AFAP1: variants seen among roughly 807,000 people sequenced by gnomAD.
The protein encoded by AFAP1 is actin filament associated protein 1, also known as actin filament-associated protein 1.
AFAP1 carries 75 observed loss-of-function variants against 93.9 expected under a neutral mutation model. That is an observed-to-expected ratio of 0.80 (90% CI 0.66 to 0.97). The LOEUF is 0.97. Ranked by LOEUF, AFAP1 falls within the 50% of genes least tolerant of loss-of-function variation. AFAP1 has a pLI of 0.00. For missense variants in AFAP1, 1,201 were observed against 1,050.8 expected (o/e 1.14, Z -1.98); for synonymous variants, 517 against 430.7 (o/e 1.20, Z -2.48).
chr4:7,848,175 GAGGGAGGGAGGA>G (rs1344368134), intron 4 of AFAP1, among the ~76,000 whole-genome samples: 6 of 109,766 alleles, frequency 5.5e-5, no homozygotes, highest in African/African-American at 1.8e-4. Flanking sequence ...GGGAGGGAGG[GAGGGAGGGAGGA>G]AGGAAGGAAG....
At chr4:7,834,811 T>G (rs551068026) in intron 6 of AFAP1, among the ~76,000 whole-genome samples, 1 of 152,396 alleles carries the variant, frequency 6.6e-6, no homozygotes, top group Non-Finnish European at 1.5e-5. Context: ...CAACGGAATG[T>G]AACTTGGAGT....
At chr4:7,778,995 T>G (rs1048786040) in intron 13 of AFAP1, 119 bp from the exon 14 acceptor site, 17 of 765,092 alleles carry the variant, frequency 2.2e-5, no homozygotes, top group African/African-American at 2.1e-4. Flanking sequence ...CTGGCATAGA[T>G]GGAGGAAAAA....
chr4:7,854,289 T>C (rs371090184), intron 4 of AFAP1, among the ~76,000 whole-genome samples: 11 of 152,158 alleles, frequency 7.2e-5, no homozygotes, highest in Admixed American at 5.2e-4. Flanking sequence ...CCTTTTCTCA[T>C]CCAGAGCACA....
At chr4:7,861,585 T>C (rs574214356) in intron 3 of AFAP1, among the ~76,000 whole-genome samples, 89 of 152,328 alleles carry the variant, frequency 5.8e-4, no homozygotes, top group African/African-American at 2.0e-3. Flanking sequence ...TACTTATGCA[T>C]GACAAAGAAT....
chr4:7,775,469 T>A (rs2148968848), intron 14 of AFAP1: 1 of 152,784 alleles, frequency 6.5e-6, no homozygotes, highest in East Asian at 1.9e-4. Context: ...GTCTGAAATT[T>A]GCTTCCTTCT....
At chr4:7,918,198 C>T (rs1327338709) in intron 1 of AFAP1, among the ~76,000 whole-genome samples, 7 of 111,328 alleles carry the variant, frequency 6.3e-5, no homozygotes, top group African/African-American at 2.9e-4. Flanking sequence ...CGGCCCAGGT[C>T]ACCAGGAAAC....
intron 1 of AFAP1, among the ~76,000 whole-genome samples, chr4:7,895,416 A>G (rs982283401): frequency 2.0e-5 from 3 of 152,194 alleles, no homozygotes; most frequent in African/African-American, 7.2e-5. Flanking sequence ...AAAAGCTCTT[A>G]AAGGATAATC....
chr4:7,862,404 G>C (rs76567276), intron 3 of AFAP1: 1 of 95,780 alleles, frequency 1.0e-5, no homozygotes, highest in Non-Finnish European at 2.2e-5. Flanking sequence ...GGGGGCGGGG[G>C]GGGGGGGGGG....
In AFAP1 at chr4:7,759,785, T is replaced by C. The variant is rs1713525437; in HGVS notation, c.*3980A>G. ...TTCCCAGAAGAGGCTGTTTCAAGGA[T>C]GGACATCCACCTGAATGCAGGGGCC... On this transcript the variant is annotated 3_prime_UTR_variant, in exon 18 of 18. Transcript: ENST00000420658. 1.3e-5 allele frequency: 2 copies of C among 152,284 alleles called. No homozygotes were observed. The highest frequency in any genetic ancestry group is 2.4e-5 in the African/African-American group (1 of 41,470). The allele number at this position is 152,284 out of a possible 1,614,324, so 9.4% of individuals were successfully genotyped here. A position where few individuals can be genotyped will look rare whatever the true frequency, so the allele number is the denominator to read the frequency against.
chr4:7,836,437 C>T (rs541310698), intron 6 of AFAP1, among the ~76,000 whole-genome samples: 1 of 152,292 alleles, frequency 6.6e-6, no homozygotes, highest in East Asian at 1.9e-4. Flanking sequence ...GCAATGACTG[C>T]TAATGGGTAT....
At chr4:7,918,832 C>A (rs61579833) in intron 1 of AFAP1, among the ~76,000 whole-genome samples, 13 of 87,790 alleles carry the variant, frequency 1.5e-4, no homozygotes, top group Non-Finnish European at 2.5e-4. Flanking sequence ...CCAGGTCACC[C>A]GCAAACAGGG....
chr4:7,852,810 T>C (rs1714603586), intron 4 of AFAP1, among the ~76,000 whole-genome samples: 1 of 152,168 alleles, frequency 6.6e-6, no homozygotes. Flanking sequence ...CGAATTCTTC[T>C]TCCCCCTCTC....
chr4:7,833,085 T>TG (rs1711824427), intron 6 of AFAP1, among the ~76,000 whole-genome samples: 1 of 152,188 alleles, frequency 6.6e-6, no homozygotes, highest in African/African-American at 2.4e-5. Flanking sequence ...TTCTAGACAT[T>TG]GGCTTAGGCA....
At chr4:7,825,327 G>T (rs1353551729) in intron 6 of AFAP1, among the ~76,000 whole-genome samples, 1 of 152,008 alleles carries the variant, frequency 6.6e-6, no homozygotes, top group Non-Finnish European at 1.5e-5. Flanking sequence ...TTCCTTTTAT[G>T]CGGCAGTTCT....
At chr4:7,934,353 C>T (rs556646548) in intron 1 of AFAP1, among the ~76,000 whole-genome samples, 14 of 152,336 alleles carry the variant, frequency 9.2e-5, no homozygotes, top group African/African-American at 2.6e-4. Context: ...CACTGGACCA[C>T]GAACTCCAGC....
At chr4:7,773,606 C>CT (rs1239259727) in intron 15 of AFAP1, 3 of 152,626 alleles carry the variant, frequency 2.0e-5, no homozygotes, top group African/African-American at 7.2e-5. Flanking sequence ...GCGAGGTTCT[C>CT]TTTTTCAAAG....
intron 4 of AFAP1, among the ~76,000 whole-genome samples, chr4:7,851,214 T>C (rs1265137066): frequency 6.6e-6 from 1 of 152,126 alleles, no homozygotes; most frequent in African/African-American, 2.4e-5. Context: ...TGCTTCACCA[T>C]GAGACACCAA....
intron 6 of AFAP1, 109 bp from the exon 7 acceptor site, chr4:7,819,280 G>A: frequency 1.0e-6 from 1 of 960,382 alleles, no homozygotes; most frequent in Non-Finnish European, 1.5e-6. Flanking sequence ...GGAAATTCAT[G>A]GGCTCAAAGC....
intron 14 of AFAP1, chr4:7,776,380 G>A (rs955005539): frequency 6.6e-6 from 1 of 151,800 alleles, no homozygotes; most frequent in East Asian, 1.9e-4. Context: ...AATCCTGTGT[G>A]TGTGTATGTG....
Sources: gnomAD v4.1 joint callset for allele counts (sites outside exome capture counted in the v4.1 genomes callset) on GRCh38, gnomAD v4.1.1 for gene constraint, MANE v1.5 for transcripts, NCBI Gene and HGNC (gene_info 2026-07-23, HGNC 2026-07-21) for gene names.